The following DAW1 variants were observed in gnomAD, a reference collection of about 807,000 sequenced individuals.
DAW1 encodes dynein assembly factor with WD repeats 1, also known as dynein assembly factor with WD repeat domains 1.
DAW1 carries 47 observed loss-of-function variants against 56.5 expected under a neutral mutation model. The ratio of observed to expected loss-of-function variants is 0.83; its 90% CI spans 0.66 to 1.06. The LOEUF is 1.06. Ranked by LOEUF, DAW1 falls within the 50% of genes least tolerant of loss-of-function variation. The pLI is 0.00. For missense variants in DAW1, 505 were observed against 499.3 expected, an observed-to-expected ratio of 1.01 and a Z score of -0.11; for synonymous variants, 190 against 179.0, an observed-to-expected ratio of 1.06 and a Z score of -0.49.
chr2:227,912,519 T>A, intron 10 of DAW1: 1 of 1,287,620 alleles, frequency 7.8e-7, no homozygotes, highest in Non-Finnish European at 1.0e-6. Context: ...TATATAATGC[T>A]GCACTGTCTA....
intron 10 of DAW1, among the ~76,000 whole-genome samples, chr2:227,915,638 G>C (rs1559314179): frequency 6.6e-6 from 1 of 152,006 alleles, no homozygotes; most frequent in Non-Finnish European, 1.5e-5. Flanking sequence ...AACATACCCT[G>C]TCTGTAGTAA....
chr2:227,916,101 C>T (rs903908926), intron 10 of DAW1, among the ~76,000 whole-genome samples: 4 of 152,056 alleles, frequency 2.6e-5, no homozygotes, highest in African/African-American at 7.2e-5. Context: ...ATTATGTCTT[C>T]ATTGTCTTAT....
intron 6 of DAW1, among the ~76,000 whole-genome samples, chr2:227,899,904 T>C (rs1691498404): frequency 6.6e-6 from 1 of 152,224 alleles, no homozygotes; most frequent in Admixed American, 6.5e-5. Context: ...TGTATTCTGC[T>C]TATTTATGTA....
Position 227,921,560 on chromosome 2 carries a change from A to G in DAW1, c.1212A>G (p.Thr404=), listed in dbSNP as rs777080350. The change falls in exon 12 of 13, where the codon ACA becomes ACG. Residue 404 remains threonine, a splice_region_variant and synonymous_variant. Coordinates refer to ENST00000309931, the MANE Select transcript of DAW1 (RefSeq NM_178821.3). ...AFNYKGNIVI[T]GSKDNTCRIW... ...ACTATAAAGGCAACATAGTCATTAC[A>G]GGTATGGAAGACATCAACACCATAG... 91 of 1,612,476 alleles carry G rather than the reference A, an allele frequency of 5.6e-5. No individual in the cohort carries two copies. Among genetic ancestry groups the G allele is most frequent in the Non-Finnish European group, 7.3e-5 (86 of 1,179,320 alleles).
At chr2:227,915,943 G>A (rs927209860) in intron 10 of DAW1, among the ~76,000 whole-genome samples, 14 of 152,068 alleles carry the variant, frequency 9.2e-5, no homozygotes, top group Admixed American at 2.0e-4. Context: ...ATGCTACAAT[G>A]TTTGTGCCAT....
intron 3 of DAW1, among the ~76,000 whole-genome samples, 172 bp downstream of exon 3, chr2:227,890,172 G>A (rs998559241): frequency 1.3e-5 from 2 of 152,180 alleles, no homozygotes; most frequent in Non-Finnish European, 2.9e-5. Context: ...TTAAATGAAT[G>A]AGTGAAATCC....
At chr2:227,872,275 C>CAAAAAAAAAAA (rs770519868) in intron 1 of DAW1, 1 of 44,962 alleles carries the variant, frequency 2.2e-5, no homozygotes, top group Non-Finnish European at 4.6e-5. Flanking sequence ...GAAACATCTG[C>CAAAAAAAAAAA]AAAAAAAAAA....
intron 10 of DAW1, among the ~76,000 whole-genome samples, chr2:227,911,819 T>C (rs1691834134): frequency 6.6e-6 from 1 of 152,160 alleles, no homozygotes; most frequent in Non-Finnish European, 1.5e-5. Flanking sequence ...ATGTGTTATA[T>C]CCCTGATATC....
At chr2:227,896,743 C>T (rs900372348) in intron 5 of DAW1, among the ~76,000 whole-genome samples, 3 of 151,834 alleles carry the variant, frequency 2.0e-5, no homozygotes, top group Non-Finnish European at 4.4e-5. Flanking sequence ...AACACATTGA[C>T]ATGAGAGATA....
At chr2:227,912,445 T>G in intron 10 of DAW1, 1 of 1,304,778 alleles carries the variant, frequency 7.7e-7, no homozygotes, top group Non-Finnish European at 1.0e-6. Flanking sequence ...AAACTATGCC[T>G]GTGTCATCTG....
chr2:227,924,246 A>G lies in DAW1; in HGVS notation c.*278A>G. The G allele has an allele frequency of 2.2e-6, 1 of 444,746 alleles. No individual in the cohort carries two copies. The allele number at this position is 444,746 out of a possible 1,614,324, so 27.5% of individuals were successfully genotyped here. ...GTTTGTTTTTTAAAAGCATTATGAT[A>G]CTGAAAAAGGAGACCAGAACAACTT... On this transcript the variant is annotated 3_prime_UTR_variant, in exon 13 of 13. Coordinates refer to ENST00000309931, the MANE Select transcript of DAW1 (RefSeq NM_178821.3).
rs1487361871 is a variant in DAW1, at chr2:227,910,506, A to G, written c.973+3254A>G. 2.6e-5 allele frequency among the ~76,000 whole-genome samples: 4 copies of G among 151,566 alleles called. No homozygotes were observed. The South Asian group carries it at 8.4e-4, about 32-fold the overall frequency. On this transcript the variant is annotated intron_variant, in intron 10 of 12. Transcript: ENST00000309931. ...TATATTTGTGGATGAACACACACAC[A>G]CACACACACACACACACACCCCTCA...
At chr2:227,917,142 ATCTGTCTG>A (rs58001363) in intron 10 of DAW1, among the ~76,000 whole-genome samples, 5,040 of 138,484 alleles carry the variant, frequency 0.036, 119 homozygotes, top group South Asian at 0.05. Context: ...CTATCTATCT[ATCTGTCTG>A]TCTGTCTGTC....
At chr2:227,880,375 AAC>A (rs1690981146) in intron 1 of DAW1, among the ~76,000 whole-genome samples, 1 of 130,912 alleles carries the variant, frequency 7.6e-6, no homozygotes, top group Non-Finnish European at 1.6e-5. Flanking sequence ...ATATGACACA[AAC>A]AGTCTTTTTT....
intron 12 of DAW1, among the ~76,000 whole-genome samples, chr2:227,922,457 G>A (rs1402639382): frequency 2.0e-5 from 3 of 152,212 alleles, no homozygotes; most frequent in South Asian, 2.1e-4. Flanking sequence ...TCGAGGGGAG[G>A]CCTTGGCAGG....
chr2:227,916,500 T>C (rs567789271), intron 10 of DAW1, among the ~76,000 whole-genome samples: 10 of 152,294 alleles, frequency 6.6e-5, no homozygotes, highest in Non-Finnish European at 1.5e-4. Context: ...TCAATGTGCA[T>C]GTCATCTACT....
At chr2:227,876,534 T>C (rs7571353) in intron 1 of DAW1, 3 of 1,288,458 alleles carry the variant, frequency 2.3e-6, no homozygotes, top group African/African-American at 3.1e-5. Flanking sequence ...TAGGAAAAAT[T>C]ATTCCACTGA....
chr2:227,902,267 A>G (rs942839151), intron 6 of DAW1, among the ~76,000 whole-genome samples: 10 of 152,142 alleles, frequency 6.6e-5, no homozygotes, highest in Non-Finnish European at 1.2e-4. Context: ...CTTGCCTGAT[A>G]AAAGTTAATG....
intron 1 of DAW1, among the ~76,000 whole-genome samples, chr2:227,873,552 C>T (rs12464238): frequency 1.3e-5 from 2 of 151,922 alleles, no homozygotes; most frequent in Admixed American, 6.6e-5. Flanking sequence ...GAAGACCGAT[C>T]CTGGACAGCT....
Sources: gnomAD v4.1 joint callset for allele counts (sites outside exome capture counted in the v4.1 genomes callset) on GRCh38, gnomAD v4.1.1 for gene constraint, MANE v1.5 for transcripts, NCBI Gene and HGNC (gene_info 2026-07-23, HGNC 2026-07-21) for gene names.